NALF1: variants seen among roughly 807,000 people sequenced by gnomAD.
NALF1 encodes NALCN channel auxiliary factor 1, also known as family with sequence similarity 155 member A.
A neutral mutation model predicts 48.4 loss-of-function variants in NALF1; 3 were observed. The ratio of observed to expected loss-of-function variants is 0.06; its 90% CI spans 0.03 to 0.16. The LOEUF (loss-of-function observed/expected upper bound fraction) is 0.16. Among genes scored for constraint, NALF1 ranks in the 10% least tolerant of loss-of-function variants. The pLI, the probability that NALF1 is intolerant of heterozygous loss-of-function variation, is 1.00. For missense variants in NALF1, 526 were observed against 571.5 expected (o/e 0.92, Z 0.81); for synonymous variants, 262 against 245.7 (o/e 1.07, Z -0.62).
intron 1 of NALF1, among the ~76,000 whole-genome samples, chr13:107,859,191 C>A (rs555676552): frequency 6.6e-6 from 1 of 152,298 alleles, no homozygotes; most frequent in Non-Finnish European, 1.5e-5. Flanking sequence ...GAGGCTAAGT[C>A]AGCAATTTCT....
At chr13:107,575,892 G>T (rs1412437203) in intron 1 of NALF1, among the ~76,000 whole-genome samples, 1 of 151,978 alleles carries the variant, frequency 6.6e-6, no homozygotes, top group Non-Finnish European at 1.5e-5. Flanking sequence ...CGTATGTTTG[G>T]GAAGAGGTGT....
chr13:107,634,081 C>T (rs980664022), intron 1 of NALF1, among the ~76,000 whole-genome samples: 26 of 151,826 alleles, frequency 1.7e-4, no homozygotes, highest in African/African-American at 5.8e-4. Context: ...ATACTTTAGT[C>T]CTTTATGAAA....
At chr13:107,851,476 G>A (rs9520602) in intron 1 of NALF1, among the ~76,000 whole-genome samples, 60,195 of 151,706 alleles carry the variant, frequency 0.4, 13,959 homozygotes, top group Non-Finnish European at 0.53. Flanking sequence ...ATAAAATACT[G>A]TATTTATATT....
intron 1 of NALF1, among the ~76,000 whole-genome samples, chr13:107,226,274 G>A (rs9520331): frequency 0.35 from 53,302 of 151,938 alleles, 10,404 homozygotes; most frequent in East Asian, 0.59. Context: ...GCAAAAATAC[G>A]GTTTTATTTT....
intron 1 of NALF1, among the ~76,000 whole-genome samples, chr13:107,726,925 G>A (rs1379691598): frequency 6.7e-6 from 1 of 150,012 alleles, no homozygotes; most frequent in African/African-American, 2.5e-5. Flanking sequence ...GTGTGTGTGT[G>A]TGTGTGTGTG....
rs1880750716 is a variant in NALF1, at chr13:107,866,826, G to T, written c.-230C>A. The T allele has an allele frequency of 1.8e-6, 1 of 558,522 alleles. No individual in the cohort carries two copies. Among genetic ancestry groups the T allele is most frequent in the Admixed American group, 3.3e-5 (1 of 29,954 alleles). 34.6% of individuals were successfully genotyped at this position (558,522 alleles called of 1,614,324 possible). A position where few individuals can be genotyped will look rare whatever the true frequency, so the allele number is the denominator to read the frequency against. ...CTTTTGCCTACATAAATATTACCAGGCTTTGAAGGAAGGTCTGACTTGCTT... is the reference window on the plus strand; with the variant it reads ...CTTTTGCCTACATAAATATTACCAGTCTTTGAAGGAAGGTCTGACTTGCTT... On this transcript the variant is annotated 5_prime_UTR_variant, in exon 1 of 3. Transcript: ENST00000375915. The surrounding 1 kb of genome is among the most constrained non-coding windows in gnomAD (Gnocchi z 4.4).
chr13:107,580,394 G>A (rs572278048), intron 1 of NALF1, among the ~76,000 whole-genome samples: 12 of 152,144 alleles, frequency 7.9e-5, no homozygotes, highest in Non-Finnish European at 1.6e-4. Context: ...TTTCATGCCT[G>A]GAAAGCTCTG....
At chr13:107,204,436 G>C (rs1351371068) in intron 2 of NALF1, among the ~76,000 whole-genome samples, 1 of 152,012 alleles carries the variant, frequency 6.6e-6, no homozygotes, top group Non-Finnish European at 1.5e-5. Context: ...CCTTACAGTG[G>C]GGGCGATTTT....
At chr13:107,366,093 T>A (rs1485222233) in intron 1 of NALF1, among the ~76,000 whole-genome samples, 2 of 152,176 alleles carry the variant, frequency 1.3e-5, no homozygotes, top group Non-Finnish European at 2.9e-5. Flanking sequence ...AAATCAGGAT[T>A]TACTTTGATA....
chr13:107,661,416 T>G (rs1212065045), intron 1 of NALF1, among the ~76,000 whole-genome samples: 1 of 152,192 alleles, frequency 6.6e-6, no homozygotes, highest in Non-Finnish European at 1.5e-5. Flanking sequence ...TTTCATATCT[T>G]GCTGTTTATG....
chr13:107,683,619 T>C (rs1021401249), intron 1 of NALF1, among the ~76,000 whole-genome samples: 1 of 152,178 alleles, frequency 6.6e-6, no homozygotes, highest in Admixed American at 6.5e-5. Context: ...CTTTGCTCCA[T>C]GTGGCTGCTT....
chr13:107,387,549 T>C (rs1883550824), intron 1 of NALF1, among the ~76,000 whole-genome samples: 1 of 151,974 alleles, frequency 6.6e-6, no homozygotes, highest in African/African-American at 2.4e-5. Flanking sequence ...TGGTACAGAG[T>C]ATCTGTTCAG....
At chr13:107,227,038 A>T (rs928401595) in intron 1 of NALF1, among the ~76,000 whole-genome samples, 6 of 152,190 alleles carry the variant, frequency 3.9e-5, no homozygotes, top group African/African-American at 1.2e-4. Context: ...ATTTCAAGAG[A>T]TTTCTTTTGA....
intron 1 of NALF1, among the ~76,000 whole-genome samples, chr13:107,247,568 A>G (rs1159432286): frequency 6.6e-6 from 1 of 152,230 alleles, no homozygotes; most frequent in Non-Finnish European, 1.5e-5. Context: ...AATAGGAGGG[A>G]AAAATATTAT....
At chr13:107,456,428 G>A (rs1238822228) in intron 1 of NALF1, among the ~76,000 whole-genome samples, 2 of 152,156 alleles carry the variant, frequency 1.3e-5, no homozygotes, top group South Asian at 2.1e-4. Flanking sequence ...CTAGGGACCA[G>A]TAGGAATCAG....
chr13:107,496,223 T>G (rs1225761777), intron 1 of NALF1, among the ~76,000 whole-genome samples: 1 of 152,206 alleles, frequency 6.6e-6, no homozygotes, highest in Non-Finnish European at 1.5e-5. Context: ...CCCATGTGTT[T>G]TGAAATGTTA....
At chr13:107,266,437 C>T (rs888565720) in intron 1 of NALF1, among the ~76,000 whole-genome samples, 1 of 152,216 alleles carries the variant, frequency 6.6e-6, no homozygotes, top group African/African-American at 2.4e-5. Context: ...AGGTTTCACA[C>T]CGTCACGCAA....
At chr13:107,679,507 C>T (rs1881220902) in intron 1 of NALF1, among the ~76,000 whole-genome samples, 1 of 152,190 alleles carries the variant, frequency 6.6e-6, no homozygotes, top group African/African-American at 2.4e-5. Flanking sequence ...GAGAAAGCAG[C>T]TTAGAATCAT....
chr13:107,716,326 A>G (rs1302720564), intron 1 of NALF1, among the ~76,000 whole-genome samples: 2 of 152,174 alleles, frequency 1.3e-5, no homozygotes. Flanking sequence ...TCACCCAGGG[A>G]AAAACGTCTG....
Sources: allele counts gnomAD v4.1 joint callset (sites outside exome capture counted in the v4.1 genomes callset), GRCh38; gene constraint gnomAD v4.1.1; non-coding constraint Gnocchi (gnomAD v3.1); transcripts MANE v1.5; gene names NCBI Gene and HGNC (gene_info 2026-07-23, HGNC 2026-07-21).